The following PHF24 variants were observed in gnomAD, a reference collection of about 807,000 sequenced individuals.
PHF24 encodes PHD finger protein 24.
In PHF24, 25 loss-of-function variants were observed where a neutral mutation model predicts 42.6. That is an observed-to-expected ratio of 0.59 (90% confidence interval 0.43 to 0.82). The LOEUF is 0.82. PHF24 is among the 40% of genes least tolerant of loss of function. The probability of loss-of-function intolerance (pLI) is 0.00; values close to 1 mark genes in which losing one functional copy is unlikely to be tolerated. For synonymous variants in PHF24, 185 were observed against 204.8 expected (o/e 0.90, Z 0.83); for missense variants, 470 against 538.1 (o/e 0.87, Z 1.25).
chr9:34,851,054 G>A, the PHF24 span, among the ~76,000 whole-genome samples: 1 of 152,142 alleles, frequency 6.6e-6, no homozygotes, highest in Non-Finnish European at 1.5e-5. Flanking sequence ...CAGGGGTCAG[G>A]GACCCACTTG....
At chr9:34,750,511 TAAA>T in the PHF24 span, among the ~76,000 whole-genome samples, 1 of 147,018 alleles carries the variant, frequency 6.8e-6, no homozygotes, top group Non-Finnish European at 1.5e-5. Context: ...AATAAATAAA[TAAA>T]TAAATAAATA....
chr9:34,723,962 G>C, the PHF24 span: 2 of 1,550,964 alleles, frequency 1.3e-6, no homozygotes, highest in African/African-American at 2.7e-5. Flanking sequence ...GGACCCTCGG[G>C]GTGTCTTGTT....
At chr9:34,694,159 CTTTTTTTTTT>C in the PHF24 span, among the ~76,000 whole-genome samples, 22 of 66,124 alleles carry the variant, frequency 3.3e-4, no homozygotes, top group Non-Finnish European at 3.3e-4. Flanking sequence ...TATCTCTATT[CTTTTTTTTTT>C]TTTTTTTTTT....
the PHF24 span, among the ~76,000 whole-genome samples, chr9:34,910,233 CCT>C: frequency 1.3e-5 from 2 of 152,084 alleles, no homozygotes; most frequent in Non-Finnish European, 2.9e-5. Flanking sequence ...GCCAGTTTTG[CCT>C]CTTTTTTTTT....
chr9:34,807,810 A>G, the PHF24 span, among the ~76,000 whole-genome samples: 2 of 152,218 alleles, frequency 1.3e-5, no homozygotes, highest in Non-Finnish European at 2.9e-5. Context: ...GGTGCATCTG[A>G]TAATAAAGAC....
chr9:34,770,633 T>C, the PHF24 span, among the ~76,000 whole-genome samples: 1 of 152,086 alleles, frequency 6.6e-6, no homozygotes, highest in East Asian at 1.9e-4. Context: ...TATTTGCCTA[T>C]ATTTTATACA....
chr9:34,895,184 T>A, the PHF24 span: 1 of 397,882 alleles, frequency 2.5e-6, no homozygotes, highest in Non-Finnish European at 4.4e-6. Context: ...TTTTTCTGTG[T>A]TCCAATTTTA....
the PHF24 span, among the ~76,000 whole-genome samples, chr9:34,720,225 A>C: frequency 6.6e-6 from 1 of 152,064 alleles, no homozygotes; most frequent in East Asian, 1.9e-4. Context: ...CGGGTGGATC[A>C]TGAGGTCAGG....
intron 1 of PHF24, among the ~76,000 whole-genome samples, chr9:34,966,620 A>T (rs1005044530): frequency 4.0e-5 from 6 of 151,344 alleles, no homozygotes; most frequent in African/African-American, 9.7e-5. Context: ...TAATTAAATC[A>T]TTTTTTCTCT....
the PHF24 span, among the ~76,000 whole-genome samples, chr9:34,732,428 A>G: frequency 1.3e-5 from 2 of 152,172 alleles, no homozygotes; most frequent in Non-Finnish European, 2.9e-5. Flanking sequence ...TCTTTTGACA[A>G]AAGATCTTTT....
chr9:34,845,711 T>G, the PHF24 span, among the ~76,000 whole-genome samples: 1 of 151,180 alleles, frequency 6.6e-6, no homozygotes, highest in South Asian at 2.1e-4. Context: ...AACTCCTCAT[T>G]TAGCATTAGG....
chr9:34,780,576 C>T, the PHF24 span, among the ~76,000 whole-genome samples: 6 of 152,126 alleles, frequency 3.9e-5, no homozygotes, highest in Middle Eastern at 0.01. Flanking sequence ...TGAGCCACTG[C>T]ACCTAGCTGG....
the PHF24 span, among the ~76,000 whole-genome samples, chr9:34,864,368 C>G: frequency 6.6e-6 from 1 of 152,036 alleles, no homozygotes; most frequent in African/African-American, 2.4e-5. Context: ...TCCCAAGGGT[C>G]AAGGACAAAG....
chr9:34,689,995 A>G, the PHF24 span: 1 of 1,614,122 alleles, frequency 6.2e-7, no homozygotes, highest in South Asian at 1.1e-5. This position sits in a 1 kb window ranked among gnomAD's most constrained non-coding sequence, Gnocchi z 4.1. Context: ...GGGGGTGCAC[A>G]GAGCTGGCGG....
chr9:34,887,363 C>T, the PHF24 span, among the ~76,000 whole-genome samples: 1 of 152,152 alleles, frequency 6.6e-6, no homozygotes, highest in Admixed American at 6.5e-5. Context: ...CTAATAGCTC[C>T]CCAATTTACT....
the PHF24 span, among the ~76,000 whole-genome samples, chr9:34,841,852 C>T: frequency 6.6e-5 from 10 of 152,076 alleles, no homozygotes; most frequent in African/African-American, 2.4e-4. Context: ...AGTGAGACTC[C>T]GTCTCAAAAA....
At chr9:34,792,178 C>T in the PHF24 span, among the ~76,000 whole-genome samples, 1 of 152,168 alleles carries the variant, frequency 6.6e-6, no homozygotes, top group Non-Finnish European at 1.5e-5. Context: ...CGAAGTGCTT[C>T]CCTGTGTGAA....
chr9:34,726,303 G>T, the PHF24 span: 2 of 1,527,322 alleles, frequency 1.3e-6, no homozygotes, highest in South Asian at 2.4e-5. Context: ...TCCTCCACAC[G>T]TCTTGGGAGC....
In PHF24 at chr9:34,972,311, A is replaced by C. The variant is rs754118065; in HGVS notation, c.379-35A>C. On this transcript the variant is annotated intron_variant, in intron 2 of 7. Coordinates refer to ENST00000242315, the Ensembl canonical transcript of PHF24. ...CCTTGGAATCTTGCTGCCTACATTT[A>C]CACATCCCTGTTTCCTCCTGCCATC... is the stretch of plus-strand genomic sequence containing the variant. The C allele has an allele frequency of 3.2e-6, 5 of 1,561,506 alleles. No homozygotes were observed. In the African/African-American group the frequency reaches 4.1e-5, roughly 13 times the overall value.
Sources: gnomAD v4.1 joint callset for allele counts (sites outside exome capture counted in the v4.1 genomes callset) on GRCh38, gnomAD v4.1.1 for gene constraint, Gnocchi (gnomAD v3.1) non-coding constraint, MANE v1.5 for transcripts, NCBI Gene and HGNC (gene_info 2026-07-23, HGNC 2026-07-21) for gene names.